PPFIBP2: variants seen among roughly 807,000 people sequenced by gnomAD.
PPFIBP2 encodes the protein liprin-beta-2.
Under a neutral mutation model 118.3 loss-of-function variants are expected in PPFIBP2, and 118 were observed. That is an observed-to-expected ratio of 1.00 (90% CI 0.86 to 1.16). PPFIBP2 has a LOEUF of 1.16. Ranked by LOEUF, PPFIBP2 falls within the 50% of genes most tolerant of loss-of-function variation. The pLI is 0.00. For missense variants in PPFIBP2, 1,195 were observed against 1,073.1 expected (o/e 1.11, Z -1.59); for synonymous variants, 414 against 397.4 (o/e 1.04, Z -0.50).
At chr11:7,638,168 G>A (rs905472116) in intron 14 of PPFIBP2, among the ~76,000 whole-genome samples, 7 of 152,328 alleles carry the variant, frequency 4.6e-5, no homozygotes, top group African/African-American at 1.4e-4. Flanking sequence ...CATCTGGGGT[G>A]TGCTTCCAGA....
intron 3 of PPFIBP2, among the ~76,000 whole-genome samples, chr11:7,581,832 G>C (rs1857299470): frequency 6.6e-6 from 1 of 151,430 alleles, no homozygotes; most frequent in African/African-American, 2.4e-5. Context: ...TAGATAGATA[G>C]ATAGATAGAT....
At chr11:7,606,888 T>A (rs1009676316) in intron 5 of PPFIBP2, among the ~76,000 whole-genome samples, 1 of 26,898 alleles carries the variant, frequency 3.7e-5, no homozygotes, top group Non-Finnish European at 6.6e-5. Flanking sequence ...CTGCATGAAT[T>A]TTTTTTTTTT....
In PPFIBP2 at chr11:7,631,250, C is replaced by G. The variant is rs751835401; in HGVS notation, c.1068+222C>G. On this transcript the variant is annotated intron_variant, in intron 11 of 23. Transcript: ENST00000299492. The stretch of plus-strand genomic sequence containing the variant: ...GCAGCATGGTGGATACTGGAACTTT[C>G]AAGGATAGGAGTTCTCCTTTTTAAT... The G allele has an allele frequency of 1.5e-4, 74 of 502,846 alleles. No homozygotes were observed. In the Middle Eastern group the frequency reaches 2.2e-3, roughly 15 times the overall value. 31.1% of individuals were successfully genotyped at this position (502,846 alleles called of 1,614,324 possible).
At chr11:7,578,328 C>T (rs908081382) in intron 3 of PPFIBP2, among the ~76,000 whole-genome samples, 3 of 152,146 alleles carry the variant, frequency 2.0e-5, no homozygotes, top group Admixed American at 6.5e-5. Context: ...TATTTTCACA[C>T]GAAGGGATTT....
Position 7,634,556 on chromosome 11 carries a change from G to A in PPFIBP2, c.1194+4G>A, listed in dbSNP as rs190347181. ...GAGAAGTGAATCTGTGGATAAGGTCGGCTCATCAACCTATCCTTAAAGATG... is the reference window on the plus strand; with the variant it reads ...GAGAAGTGAATCTGTGGATAAGGTCAGCTCATCAACCTATCCTTAAAGATG... On this transcript the variant is annotated splice_donor_region_variant and intron_variant, in intron 13 of 23. Transcript: ENST00000299492. 676 of 1,611,288 alleles carry A rather than the reference G, an allele frequency of 4.2e-4. 3 individuals carry two copies. The African/African-American group carries it at 7.7e-3, about 18-fold the overall frequency.
chr11:7,537,498 A>C (rs7925442), intron 1 of PPFIBP2, among the ~76,000 whole-genome samples: 2 of 151,982 alleles, frequency 1.3e-5, no homozygotes, highest in Non-Finnish European at 1.5e-5. Context: ...CAGGCAGCCA[A>C]ATCTTAGAAC....
chr11:7,653,121 T>C lies in PPFIBP2; in HGVS notation c.2534T>C (p.Val845Ala), dbSNP rs1212551226. The change falls in exon 24 of 24, where the codon GTC becomes GCC. Residue 845 changes from valine (V) to alanine (A), a missense_variant. Physicochemically the swap from Val to Ala is moderately conservative, Grantham distance 64. Coordinates refer to ENST00000299492, the MANE Select transcript of PPFIBP2 (RefSeq NM_003621.5). ...YICPMEPSDG[V>A]SDSHRVYSGY... is the part of the protein sequence containing the mutation. ...TGCCCAATGGAGCCCAGTGACGGTGTCAGTGATAGTCACAGGGTCTACAGT... is the reference window on the plus strand; with the variant it reads ...TGCCCAATGGAGCCCAGTGACGGTGCCAGTGATAGTCACAGGGTCTACAGT... 2 of 1,614,220 alleles carry C rather than the reference T, an allele frequency of 1.2e-6. No individual in the cohort carries two copies. The highest frequency in any genetic ancestry group is 1.1e-5 in the South Asian group (1 of 91,088).
intron 1 of PPFIBP2, among the ~76,000 whole-genome samples, chr11:7,540,901 G>C (rs921438239): frequency 6.6e-6 from 1 of 152,168 alleles, no homozygotes; most frequent in African/African-American, 2.4e-5. Flanking sequence ...AGTGCAGACA[G>C]CCAATTAACT....
At chr11:7,647,292 T>TA (rs1473734496) in intron 17 of PPFIBP2, among the ~76,000 whole-genome samples, 1 of 152,172 alleles carries the variant, frequency 6.6e-6, no homozygotes, top group African/African-American at 2.4e-5. Flanking sequence ...GAATCCCCCC[T>TA]AAAAAAATGA....
chr11:7,571,399 A>G (rs1855634697), intron 3 of PPFIBP2, among the ~76,000 whole-genome samples: 1 of 146,546 alleles, frequency 6.8e-6, no homozygotes, highest in Non-Finnish European at 1.5e-5. Context: ...TGTTTACCAT[A>G]TTGAAAAGCT....
rs1210308259 is a variant in PPFIBP2, at chr11:7,616,473, T to C, written c.619-4462T>C. On this transcript the variant is annotated intron_variant, in intron 6 of 23. Coordinates refer to ENST00000299492, the MANE Select transcript of PPFIBP2 (RefSeq NM_003621.5). This position sits in a 1 kb window ranked among gnomAD's most constrained non-coding sequence, Gnocchi z 5.2. ...TCCTCAAGGAGTGAGTCTCGTCAGA[T>C]TGGCCTTATCGGTTTGGCCGGGAAT... 6.6e-6 allele frequency among the ~76,000 whole-genome samples: 1 copy of C among 152,232 alleles called. No homozygotes were observed. The highest frequency in any genetic ancestry group is 1.5e-5 in the Non-Finnish European group (1 of 68,046).
intron 1 of PPFIBP2, among the ~76,000 whole-genome samples, chr11:7,521,185 T>C (rs1849723519): frequency 6.6e-6 from 1 of 152,264 alleles, no homozygotes; most frequent in South Asian, 2.1e-4. Flanking sequence ...TACACATTTA[T>C]GCACACTGAA....
chr11:7,577,365 T>A, intron 3 of PPFIBP2: 1 of 322,020 alleles, frequency 3.1e-6, no homozygotes, highest in Non-Finnish European at 6.2e-6. Context: ...GTTGGGGTGG[T>A]CGGGGAGGAC....
At chr11:7,615,108 A>C (rs1476638665) in intron 6 of PPFIBP2, among the ~76,000 whole-genome samples, 2 of 152,004 alleles carry the variant, frequency 1.3e-5, no homozygotes, top group African/African-American at 4.8e-5. Context: ...GGCTGAGGAG[A>C]CTGGATCACT....
At chr11:7,564,930 G>C (rs1854782784) in intron 2 of PPFIBP2, among the ~76,000 whole-genome samples, 1 of 152,218 alleles carries the variant, frequency 6.6e-6, no homozygotes, top group Non-Finnish European at 1.5e-5. Context: ...CCAGAGTCAA[G>C]ATCCATCCCT....
chr11:7,630,462 C>A (rs559109606), intron 10 of PPFIBP2, among the ~76,000 whole-genome samples: 1 of 152,198 alleles, frequency 6.6e-6, no homozygotes, highest in African/African-American at 2.4e-5. Context: ...CAGGCACTGG[C>A]CACTATACCT....
At chr11:7,657,234 A>C, downstream of PPFIBP2, 1 of 168,458 alleles carries the variant, frequency 5.9e-6, no homozygotes, top group East Asian at 1.6e-4. Context: ...TGTTTTGTGA[A>C]ATGGTCACCA....
the PPFIBP2 span, among the ~76,000 whole-genome samples, chr11:7,662,782 C>T: frequency 2.0e-5 from 3 of 151,988 alleles, no homozygotes; most frequent in South Asian, 2.1e-4. Context: ...CATTCAGGTC[C>T]ACCAATCAGA....
intron 5 of PPFIBP2, among the ~76,000 whole-genome samples, chr11:7,604,417 C>T (rs1177219125): frequency 6.6e-6 from 1 of 151,982 alleles, no homozygotes; most frequent in Non-Finnish European, 1.5e-5. Flanking sequence ...GAGTGACACA[C>T]ACATACACAC....
Sources: gnomAD v4.1 joint callset for allele counts (sites outside exome capture counted in the v4.1 genomes callset) on GRCh38, gnomAD v4.1.1 for gene constraint, Gnocchi (gnomAD v3.1) non-coding constraint, MANE v1.5 for transcripts, NCBI Gene and HGNC (gene_info 2026-07-23, HGNC 2026-07-21) for gene names.